The following GRM8 variants were observed in gnomAD, a reference collection of about 807,000 sequenced individuals.
GRM8 encodes the protein metabotropic glutamate receptor 8.
A neutral mutation model predicts 87.2 loss-of-function variants in GRM8; 47 were observed. The ratio of observed to expected loss-of-function variants is 0.54; its 90% CI spans 0.43 to 0.69. The LOEUF (loss-of-function observed/expected upper bound fraction) is 0.69. Ranked by LOEUF, GRM8 falls within the 30% of genes least tolerant of loss-of-function variation. GRM8 has a pLI of 0.00. For synonymous variants in GRM8, 396 were observed against 404.5 expected (o/e 0.98, Z 0.25); for missense variants, 1,019 against 1,139.2 (o/e 0.89, Z 1.52).
intron 3 of GRM8, among the ~76,000 whole-genome samples, chr7:127,073,459 G>T (rs1821935312): frequency 6.6e-6 from 1 of 152,178 alleles, no homozygotes; most frequent in African/African-American, 2.4e-5. Context: ...TACTAGCTGA[G>T]AAGCTTCCAC....
At chr7:126,793,049 C>T (rs188555844) in intron 6 of GRM8, among the ~76,000 whole-genome samples, 18 of 152,220 alleles carry the variant, frequency 1.2e-4, no homozygotes, top group African/African-American at 4.3e-4. Context: ...CCTTCTTTTC[C>T]CTGCCAGAAA....
intron 3 of GRM8, among the ~76,000 whole-genome samples, chr7:126,982,640 A>G (rs1811650552): frequency 6.6e-6 from 1 of 152,186 alleles, no homozygotes; most frequent in Non-Finnish European, 1.5e-5. Context: ...AAGGAAATGA[A>G]GATATTTTCT....
intron 3 of GRM8, among the ~76,000 whole-genome samples, chr7:126,967,685 A>G (rs1304653625): frequency 3.9e-5 from 6 of 152,320 alleles, no homozygotes; most frequent in South Asian, 2.1e-4. Context: ...AAAATGTTCA[A>G]TCACATAAAA....
At chr7:126,902,286 A>C (rs1315210536) in intron 6 of GRM8, among the ~76,000 whole-genome samples, 2 of 152,192 alleles carry the variant, frequency 1.3e-5, no homozygotes, top group Non-Finnish European at 2.9e-5. Context: ...TAGACAATAA[A>C]TGTTTCCCAG....
At chr7:126,532,483 T>G (rs1485866004) in intron 9 of GRM8, among the ~76,000 whole-genome samples, 8 of 151,996 alleles carry the variant, frequency 5.3e-5, no homozygotes, top group Non-Finnish European at 7.4e-5. Context: ...TATCCCAGAG[T>G]TACTTTAGAA....
chr7:126,730,626 A>G (rs1813482256), intron 7 of GRM8, among the ~76,000 whole-genome samples: 1 of 152,164 alleles, frequency 6.6e-6, no homozygotes, highest in Non-Finnish European at 1.5e-5. Context: ...TGGAAGAATG[A>G]GGCAGGATAG....
intron 3 of GRM8, among the ~76,000 whole-genome samples, chr7:127,073,293 G>A (rs1821910386): frequency 6.6e-6 from 1 of 152,180 alleles, no homozygotes; most frequent in Non-Finnish European, 1.5e-5. Context: ...ATGAACAGAA[G>A]AGCGGAGTAA....
chr7:127,037,495 C>T (rs538987202), intron 3 of GRM8, among the ~76,000 whole-genome samples: 26 of 152,320 alleles, frequency 1.7e-4, no homozygotes, highest in African/African-American at 5.8e-4. Flanking sequence ...GTCCCTCTTG[C>T]TCTGTTCTTG....
At chr7:127,021,105 A>G (rs1816219501) in intron 3 of GRM8, among the ~76,000 whole-genome samples, 1 of 152,116 alleles carries the variant, frequency 6.6e-6, no homozygotes, top group Admixed American at 6.6e-5. Flanking sequence ...GGAGAAAGCC[A>G]CTTATGCTCA....
chr7:126,522,008 T>C (rs1159200816), intron 9 of GRM8, among the ~76,000 whole-genome samples: 1 of 152,172 alleles, frequency 6.6e-6, no homozygotes, highest in Non-Finnish European at 1.5e-5. Context: ...CAAATATTCT[T>C]CTCCATACTT....
intron 2 of GRM8, among the ~76,000 whole-genome samples, chr7:127,121,182 T>C (rs2133180122): frequency 6.6e-6 from 1 of 152,324 alleles, no homozygotes; most frequent in Non-Finnish European, 1.5e-5. Flanking sequence ...ATGAAAAGAT[T>C]TATTTTCCTT....
chr7:126,982,033 T>C (rs1325321422), intron 3 of GRM8, among the ~76,000 whole-genome samples: 3 of 152,138 alleles, frequency 2.0e-5, no homozygotes, highest in Non-Finnish European at 4.4e-5. Context: ...TAAGTAGTAT[T>C]AACTCACATG....
intron 7 of GRM8, among the ~76,000 whole-genome samples, chr7:126,746,547 C>T (rs941558339): frequency 2.0e-5 from 3 of 151,526 alleles, no homozygotes; most frequent in African/African-American, 7.3e-5. Context: ...TATTAAAACG[C>T]ATTCACCAGT....
chr7:127,117,724 C>T (rs17865352), intron 2 of GRM8, among the ~76,000 whole-genome samples: 4 of 152,214 alleles, frequency 2.6e-5, no homozygotes, highest in African/African-American at 9.6e-5. Flanking sequence ...ATTCCCATCA[C>T]TGCTGACTTC....
chr7:126,815,246 G>A (rs935140083), intron 6 of GRM8, among the ~76,000 whole-genome samples: 6 of 152,130 alleles, frequency 3.9e-5, no homozygotes, highest in Non-Finnish European at 4.4e-5. Context: ...GGTACACAGA[G>A]GCCCTGATTC....
At chr7:126,610,758 C>T (rs929608471) in intron 7 of GRM8, among the ~76,000 whole-genome samples, 2 of 152,172 alleles carry the variant, frequency 1.3e-5, no homozygotes, top group African/African-American at 2.4e-5. Context: ...AATGTGAATA[C>T]TTTTCCAGTA....
chr7:126,583,671 G>A (rs1795830091), intron 8 of GRM8, among the ~76,000 whole-genome samples: 1 of 152,166 alleles, frequency 6.6e-6, no homozygotes, highest in South Asian at 2.1e-4. Flanking sequence ...AACTAGATTA[G>A]AATTGGAGCC....
At chr7:127,046,129 G>A (rs1338744522) in intron 3 of GRM8, among the ~76,000 whole-genome samples, 2 of 152,098 alleles carry the variant, frequency 1.3e-5, no homozygotes, top group East Asian at 3.9e-4. Flanking sequence ...GTTATGAAAA[G>A]CATTTTTTCA....
chr7:126,613,929 C>T (rs1799181055), intron 7 of GRM8, among the ~76,000 whole-genome samples: 2 of 152,208 alleles, frequency 1.3e-5, no homozygotes, highest in African/African-American at 4.8e-5. Context: ...GGTCTGCCTG[C>T]CTCTGTAGAC....
Sources: gnomAD v4.1 joint callset for allele counts (sites outside exome capture counted in the v4.1 genomes callset) on GRCh38, gnomAD v4.1.1 for gene constraint, MANE v1.5 for transcripts, NCBI Gene and HGNC (gene_info 2026-07-23, HGNC 2026-07-21) for gene names.